ROBO1: variants seen among roughly 807,000 people sequenced by gnomAD.
The protein encoded by ROBO1 is roundabout homolog 1.
In ROBO1, 149 loss-of-function variants were observed where a neutral mutation model predicts 195.9. The ratio of observed to expected loss-of-function variants is 0.76; its 90% CI spans 0.67 to 0.87. ROBO1 has a LOEUF of 0.87. Ranked by LOEUF, ROBO1 falls within the 40% of genes least tolerant of loss-of-function variation. ROBO1 has a pLI of 0.00. For missense variants in ROBO1, 1,933 were observed against 2,068.3 expected (o/e 0.93, Z 1.27); for synonymous variants, 816 against 733.2 (o/e 1.11, Z -1.82).
At position 79,649,924 on chromosome 3, in the gene ROBO1, T is replaced by C. The variant is rs141860554; in HGVS notation, c.-50-59963A>G. Among the ~76,000 whole-genome samples the C allele has an allele frequency of 6.6e-4, 101 of 152,178 alleles. No homozygotes were observed. The East Asian group carries it at 0.017, about 26-fold the overall frequency. ...GTTCTGTTTCTCTGGAAAACCCTAATACAAATAGTGTTTAAAGGGAAATTT... is the reference window on the plus strand; with the variant it reads ...GTTCTGTTTCTCTGGAAAACCCTAACACAAATAGTGTTTAAAGGGAAATTT... On this transcript the variant is annotated intron_variant, in intron 1 of 30. Transcript: ENST00000464233.
At chr3:79,701,698 A>G (rs560200065) in intron 1 of ROBO1, among the ~76,000 whole-genome samples, 4 of 151,894 alleles carry the variant, frequency 2.6e-5, no homozygotes, top group Non-Finnish European at 4.4e-5. Flanking sequence ...AATACACAGC[A>G]ACACATGGAT....
chr3:79,629,982 T>G lies in ROBO1; in HGVS notation c.-50-40021A>C, dbSNP rs151016738. 2.2e-3 allele frequency among the ~76,000 whole-genome samples: 330 copies of G among 151,856 alleles called. 1 individual carries two copies. The highest frequency in any genetic ancestry group is 7.8e-3 in the African/African-American group (324 of 41,450). On this transcript the variant is annotated intron_variant, in intron 1 of 30. Transcript: ENST00000464233. ...ACAGACCAACAATGAGTAATAAAAT[T>G]GAATCAGTAATAAAAAACCTCCAAC...
At chr3:78,816,964 C>A (rs1160530303) in intron 4 of ROBO1, among the ~76,000 whole-genome samples, 1 of 144,364 alleles carries the variant, frequency 6.9e-6, no homozygotes, top group African/African-American at 2.5e-5. Flanking sequence ...TGCACATGTA[C>A]CCTAGAGCTT....
intron 4 of ROBO1, among the ~76,000 whole-genome samples, chr3:78,914,488 G>A (rs1427552319): frequency 2.0e-5 from 3 of 151,764 alleles, no homozygotes; most frequent in Non-Finnish European, 4.4e-5. Context: ...TAGTATACAT[G>A]CCCAATGTCC....
At chr3:79,369,124 T>C (rs564099274) in intron 2 of ROBO1, among the ~76,000 whole-genome samples, 1 of 152,292 alleles carries the variant, frequency 6.6e-6, no homozygotes, top group Non-Finnish European at 1.5e-5. Context: ...TGAGAAAATA[T>C]TGTTTTGTGT....
chr3:79,076,755 G>A (rs549839946), intron 3 of ROBO1, among the ~76,000 whole-genome samples: 1 of 151,840 alleles, frequency 6.6e-6, no homozygotes, highest in Non-Finnish European at 1.5e-5. Flanking sequence ...ATTAGAACAT[G>A]CTCAAATAAG....
chr3:79,044,067 A>T (rs1410343914), intron 3 of ROBO1, among the ~76,000 whole-genome samples: 2 of 151,982 alleles, frequency 1.3e-5, no homozygotes, highest in Non-Finnish European at 2.9e-5. Context: ...ACATTGGAAG[A>T]AGCAGAATTG....
chr3:79,687,365 T>A (rs1429861597), intron 1 of ROBO1, among the ~76,000 whole-genome samples: 1 of 151,944 alleles, frequency 6.6e-6, no homozygotes, highest in African/African-American at 2.4e-5. Context: ...AAGCCAAAAT[T>A]GACAAATGGG....
At chr3:79,475,352 G>A (rs1392510541) in intron 2 of ROBO1, among the ~76,000 whole-genome samples, 2 of 151,898 alleles carry the variant, frequency 1.3e-5, no homozygotes, top group Non-Finnish European at 2.9e-5. Flanking sequence ...GTGAGGTTCT[G>A]CTTCTGTAAC....
At chr3:79,248,025 A>G (rs556768770) in intron 2 of ROBO1, among the ~76,000 whole-genome samples, 3 of 152,276 alleles carry the variant, frequency 2.0e-5, no homozygotes, top group East Asian at 3.9e-4. Context: ...TTAAACATTA[A>G]TGATGTTCTC....
chr3:78,906,725 AT>A (rs1329222491), intron 4 of ROBO1, among the ~76,000 whole-genome samples: 1 of 152,074 alleles, frequency 6.6e-6, no homozygotes, highest in Non-Finnish European at 1.5e-5. Context: ...AGTTAATTAT[AT>A]TGATATTTAG....
intron 2 of ROBO1, among the ~76,000 whole-genome samples, chr3:79,265,555 T>C (rs936887139): frequency 6.6e-6 from 1 of 151,598 alleles, no homozygotes; most frequent in Non-Finnish European, 1.5e-5. Flanking sequence ...ATTTTTTAAG[T>C]TGTATAAACG....
intron 3 of ROBO1, among the ~76,000 whole-genome samples, chr3:78,939,536 T>G (rs1194564697): frequency 1.3e-5 from 2 of 150,204 alleles, no homozygotes; most frequent in East Asian, 3.9e-4. Flanking sequence ...GAGAATGGCG[T>G]GAACCCGGGA....
At chr3:79,599,655 T>G (rs531906072) in intron 1 of ROBO1, among the ~76,000 whole-genome samples, 10 of 151,944 alleles carry the variant, frequency 6.6e-5, no homozygotes, top group Non-Finnish European at 1.5e-4. Flanking sequence ...AAAGCTCAAA[T>G]CAATTTTTCA....
chr3:78,929,917 A>G (rs2039419424), intron 4 of ROBO1, among the ~76,000 whole-genome samples: 1 of 152,186 alleles, frequency 6.6e-6, no homozygotes, highest in South Asian at 2.1e-4. Flanking sequence ...CACTACACTT[A>G]GAAAGACAGC....
chr3:79,007,437 G>A (rs748125630), intron 3 of ROBO1, among the ~76,000 whole-genome samples: 2 of 152,046 alleles, frequency 1.3e-5, no homozygotes, highest in African/African-American at 4.8e-5. Context: ...TCCAGGTACC[G>A]CCCAAGGGAT....
chr3:78,728,593 T>C (rs1042261150), intron 5 of ROBO1, among the ~76,000 whole-genome samples: 1 of 152,158 alleles, frequency 6.6e-6, no homozygotes, highest in African/African-American at 2.4e-5. Context: ...TAAATAATGT[T>C]CCTGGGGTTT....
chr3:79,158,551 G>A (rs2080898485), intron 2 of ROBO1, among the ~76,000 whole-genome samples: 1 of 150,838 alleles, frequency 6.6e-6, no homozygotes, highest in Admixed American at 6.6e-5. Context: ...TTGTATTTTG[G>A]CTAGATATCT....
At chr3:79,587,073 T>A (rs931501840) in intron 2 of ROBO1, among the ~76,000 whole-genome samples, 1 of 151,898 alleles carries the variant, frequency 6.6e-6, no homozygotes, top group Non-Finnish European at 1.5e-5. Flanking sequence ...TTCTTTTCTC[T>A]AAAACAGTTT....
Sources: allele counts gnomAD v4.1 joint callset (sites outside exome capture counted in the v4.1 genomes callset), GRCh38; gene constraint gnomAD v4.1.1; transcripts MANE v1.5; gene names NCBI Gene and HGNC (gene_info 2026-07-23, HGNC 2026-07-21).